Variants in ABCA7 observed in about 807,000 individuals in gnomAD.
ABCA7 encodes the protein ATP binding cassette subfamily A member 7.
Under a neutral mutation model 227.6 loss-of-function variants are expected in ABCA7, and 261 were observed. The observed-to-expected ratio is 1.15, with a 90% CI of 1.04 to 1.27. The LOEUF (loss-of-function observed/expected upper bound fraction) is 1.27. Among genes scored for constraint, ABCA7 ranks in the 50% most tolerant of loss-of-function variants. ABCA7 has a pLI of 0.00. For missense variants in ABCA7, 3,331 were observed against 2,924.5 expected (o/e 1.14, Z -3.21); for synonymous variants, 1,488 against 1,279.7 (o/e 1.16, Z -3.47).
In ABCA7 at chr19:1,049,450, C is replaced by T. The variant is rs762278770; in HGVS notation, c.2552+13C>T. ...AGACCACCACCCTGTGAGCCCCCAA[C>T]CACTCCCTCCCCGTGAGCCCCCCCA... On this transcript the variant is annotated intron_variant, in intron 18 of 46. Coordinates refer to ENST00000263094, the MANE Select transcript of ABCA7 (RefSeq NM_019112.4). 2 of 1,556,688 alleles carry T rather than the reference C, an allele frequency of 1.3e-6. No individual in the cohort carries two copies. The highest frequency in any genetic ancestry group is 1.8e-5 in the Admixed American group (1 of 55,026).
Position 1,056,782 on chromosome 19 carries a change from C to A in ABCA7, c.4587-125C>A, listed in dbSNP as rs962348553. ...CCCAGGCACCCTCATCCCTAAATTGCCCCTGCCATCTCTGCCACTGCTGAC... is the reference window on the plus strand; with the variant it reads ...CCCAGGCACCCTCATCCCTAAATTGACCCTGCCATCTCTGCCACTGCTGAC... On this transcript the variant is annotated intron_variant, in intron 33 of 46. Transcript: ENST00000263094. This position sits in a 1 kb window ranked among gnomAD's most constrained non-coding sequence, Gnocchi z 4.3. 1 of 1,122,834 alleles carries A rather than the reference C, an allele frequency of 8.9e-7. No individual in the cohort carries two copies. Among genetic ancestry groups the A allele is most frequent in the Admixed American group, 2.1e-5 (1 of 47,506 alleles). The allele number at this position is 1,122,834 out of a possible 1,614,324, so 69.6% of individuals were successfully genotyped here.
rs573177008 is a variant in ABCA7 at position 1,064,167 on chromosome 19, G to A, written c.5958G>A (p.Glu1986=). 4 of 1,571,654 alleles carry A rather than the reference G, an allele frequency of 2.5e-6. No homozygotes were observed. The highest frequency in any genetic ancestry group is 1.2e-5 in the South Asian group (1 of 85,854). The change falls in exon 45 of 47, where the codon GAG becomes GAA. Residue 1986 remains glutamate (E), a synonymous_variant. Transcript: ENST00000263094. Reference sequence around the variant, plus strand: ...TGGTGCCGGGTCCCGACAGCATGGAGGAGTGTGAAGCGCTCTGCTCGCGCC... The same window carrying A: ...TGGTGCCGGGTCCCGACAGCATGGAAGAGTGTGAAGCGCTCTGCTCGCGCC... ...RSVMLTSHSM[E]ECEALCSRLA...
At chr19:1,058,587 T>C (rs369656361) in intron 37 of ABCA7, 31 bp from the exon 38 acceptor site, 4 of 1,611,286 alleles carry the variant, frequency 2.5e-6, no homozygotes, top group Non-Finnish European at 2.5e-6. Flanking sequence ...AAGACTCTCA[T>C]GGACCCAGTC....
At chr19:1,055,833 G>C in intron 30 of ABCA7, 74 bp from the exon 31 acceptor site, 1 of 1,438,890 alleles carries the variant, frequency 6.9e-7, no homozygotes. Flanking sequence ...CCTTGACTCT[G>C]TGCTCCCCTC....
Position 1,047,597 on chromosome 19 carries a change from C to T in ABCA7, c.2212C>T (p.Leu738=). 2 of 1,603,326 alleles carry T rather than the reference C, an allele frequency of 1.2e-6. No homozygotes were observed. The highest frequency in any genetic ancestry group is 1.7e-6 in the Non-Finnish European group (2 of 1,179,294). ...FSLAQVSGLL[L]LDAALYGLAT... The stretch of plus-strand genomic sequence containing the variant: ...CCTGGCCCAGGTCTCTGGCCTTCTG[C>T]TGCTGGACGCGGCGCTCTACGGCCT... The change falls in exon 16 of 47, where the codon CTG becomes TTG. Residue 738 remains leucine (L), a synonymous_variant. Transcript: ENST00000263094.
At position 1,045,786 on chromosome 19, in the gene ABCA7, G is replaced by A. The variant is rs576369696; in HGVS notation, c.1446-444G>A. 8.4e-4 allele frequency among the ~76,000 whole-genome samples: 127 copies of A among 152,090 alleles called. 2 individuals carry two copies. The highest frequency in any genetic ancestry group is 3.4e-3 in the Middle Eastern group (1 of 294). ...GAGGCTGAGGCGGGCGGATCACGAG[G>A]TCAGGAGATCAAGACCATCCTGACT... is the stretch of plus-strand genomic sequence containing the variant. On this transcript the variant is annotated intron_variant, in intron 12 of 46. Coordinates refer to ENST00000263094, the MANE Select transcript of ABCA7 (RefSeq NM_019112.4).
chr19:1,062,446 C>G, intron 42 of ABCA7, 133 bp downstream of exon 42: 6 of 1,403,224 alleles, frequency 4.3e-6, no homozygotes, highest in Non-Finnish European at 4.8e-6. Flanking sequence ...GACCGTGCTT[C>G]CTTCCCCTAT....
In ABCA7 at chr19:1,046,258, C is replaced by T; in HGVS notation, c.1474C>T (p.Pro492Ser). The T allele has an allele frequency of 6.2e-7, 1 of 1,607,276 alleles. No homozygotes were observed. Among genetic ancestry groups the T allele is most frequent in the Non-Finnish European group, 8.5e-7 (1 of 1,179,780 alleles). ...TTGGGACCCTGGCCCAGCCGCGGAC[C>T]CCCTGACCGACCTGCGCTACGTGTG... ...RFWDPGPAAD[P>S]LTDLRYVWGG... The change falls in exon 13 of 47, where the codon CCC (proline) becomes TCC (serine). Residue 492 changes from proline to serine, a missense_variant. Coordinates refer to ENST00000263094, the MANE Select transcript of ABCA7 (RefSeq NM_019112.4).
chr19:1,046,286 G>T lies in ABCA7; in HGVS notation c.1502G>T (p.Gly501Val). ...CTGACCGACCTGCGCTACGTGTGGG[G>T]CGGCTTCGTGTACCTGCAAGACCTG... Reference protein sequence around the residue: ...DPLTDLRYVWGGFVYLQDLVE... With the variant: ...DPLTDLRYVWVGFVYLQDLVE... Residue 501 changes from glycine to valine, a missense_variant, in exon 13 of 47, where the codon GGC (glycine) becomes GTC (valine). Transcript: ENST00000263094. 1 of 1,606,280 alleles carries T rather than the reference G, an allele frequency of 6.2e-7. No homozygotes were observed. The highest frequency in any genetic ancestry group is 2.2e-5 in the East Asian group (1 of 44,870).
chr19:1,044,695 C>T lies in ABCA7; in HGVS notation c.1166C>T (p.Ala389Val). 1.9e-6 allele frequency: 3 copies of T among 1,612,594 alleles called. No individual in the cohort carries two copies. Among genetic ancestry groups the T allele is most frequent in the Admixed American group, 1.7e-5 (1 of 59,988 alleles). ...AGCGGTGGCTACAGCTGGCAGGACG[C>T]ACACGCTGATGTGGGGCACCTGGTG... is the stretch of plus-strand genomic sequence containing the variant. Reference protein sequence around the residue: ...PGSGGYSWQDAHADVGHLVGT... With the variant: ...PGSGGYSWQDVHADVGHLVGT... The change falls in exon 11 of 47, where the codon GCA becomes GTA. Residue 389 changes from alanine (A) to valine (V), a missense_variant. By Grantham distance (64) the Ala-to-Val change is moderately conservative (BLOSUM62 0). Coordinates refer to ENST00000263094, the MANE Select transcript of ABCA7 (RefSeq NM_019112.4).
Position 1,043,855 on chromosome 19 carries a change from C to T in ABCA7, c.1047+14C>T. On this transcript the variant is annotated intron_variant, in intron 10 of 46. Coordinates refer to ENST00000263094, the MANE Select transcript of ABCA7 (RefSeq NM_019112.4). Reference sequence around the variant, plus strand: ...GCCATGCTGCAGGTGTGCGGGGGTGCTGGGGAGGTGGGATGTGGCTCCCCG... The same window carrying T: ...GCCATGCTGCAGGTGTGCGGGGGTGTTGGGGAGGTGGGATGTGGCTCCCCG... 1 of 1,593,810 alleles carries T rather than the reference C, an allele frequency of 6.3e-7. No homozygotes were observed. The highest frequency in any genetic ancestry group is 8.6e-7 in the Non-Finnish European group (1 of 1,168,214).
Position 1,046,230 on chromosome 19 carries a change from G to T in ABCA7, c.1446G>T (p.Arg482Ser). ...VVTRTNKIRD[R>S]FWDPGPAADP... The stretch of plus-strand genomic sequence containing the variant: ...ACCGGCCACCATGCCCCTCTCGCAG[G>T]TTTTGGGACCCTGGCCCAGCCGCGG... The change falls in exon 13 of 47, where the codon AGG becomes AGT. Residue 482 changes from arginine to serine, a missense_variant and splice_region_variant. Transcript: ENST00000263094. 1.2e-6 allele frequency: 2 copies of T among 1,606,716 alleles called. No homozygotes were observed. Among genetic ancestry groups the T allele is most frequent in the South Asian group, 1.1e-5 (1 of 91,056 alleles).
At chr19:1,060,195 G>GTATATATATATATATATATATATATA (rs138175754) in intron 40 of ABCA7, among the ~76,000 whole-genome samples, 10 of 53,456 alleles carry the variant, frequency 1.9e-4, no homozygotes, top group African/African-American at 5.3e-4. Flanking sequence ...ACACATTGCA[G>GTATATATATATATATATATATATATA]TATATATATA....
Position 1,049,014 on chromosome 19 carries a change from C to T in ABCA7, c.2380+9C>T, listed in dbSNP as rs939175298. On this transcript the variant is annotated intron_variant, in intron 17 of 46. Transcript: ENST00000263094. ...CCCGCTGGACCCAAAGGGTGAGGCA[C>T]TACGAGGCTTAATAGCTGGTTGTCC... 2.0e-6 allele frequency: 3 copies of T among 1,511,542 alleles called. No individual in the cohort carries two copies. In the African/African-American group the frequency reaches 4.2e-5, roughly 21 times the overall value. The allele number at this position is 1,511,542 out of a possible 1,614,324, so 93.6% of individuals were successfully genotyped here.
chr19:1,046,732 T>C lies in ABCA7; in HGVS notation c.1623-70T>C, dbSNP rs1386039987. 9.0e-6 allele frequency: 13 copies of C among 1,443,774 alleles called. No individual in the cohort carries two copies. The South Asian group carries it at 1.6e-4, about 18-fold the overall frequency. 89.4% of individuals were successfully genotyped at this position (1,443,774 alleles called of 1,614,324 possible). On this transcript the variant is annotated intron_variant, in intron 13 of 46. Coordinates refer to ENST00000263094, the MANE Select transcript of ABCA7 (RefSeq NM_019112.4). Reference sequence around the variant, plus strand: ...GAGATCCCGGGACACGAACCAGTCGTGCCAGATGGTGGGCGGAGGGGGGGT... The same window carrying C: ...GAGATCCCGGGACACGAACCAGTCGCGCCAGATGGTGGGCGGAGGGGGGGT...
At chr19:1,057,489 A>C in intron 35 of ABCA7, 60 bp downstream of exon 35, 1 of 1,477,354 alleles carries the variant, frequency 6.8e-7, no homozygotes, top group Non-Finnish European at 9.5e-7. Context: ...TTCCACATTA[A>C]TGCTGCTGAG....
intron 24 of ABCA7, 91 bp downstream of exon 24, chr19:1,053,622 C>A: frequency 6.6e-7 from 1 of 1,515,586 alleles, no homozygotes; most frequent in Non-Finnish European, 8.9e-7. Flanking sequence ...TGTTTATGAG[C>A]AGCAAGGACA....
chr19:1,041,456 G>T, intron 2 of ABCA7, 29 bp downstream of exon 2: 2 of 1,613,902 alleles, frequency 1.2e-6, no homozygotes, highest in Non-Finnish European at 1.7e-6. Flanking sequence ...ACCAGGGCCG[G>T]GTGGGCAGGC....
chr19:1,058,987 C>T (rs781243848), intron 39 of ABCA7, 36 bp from the exon 40 acceptor site: 1 of 1,613,436 alleles, frequency 6.2e-7, no homozygotes, highest in Admixed American at 1.7e-5. Context: ...CTCCCACTGG[C>T]CCACTCACCT....
Sources: gnomAD v4.1 joint callset for allele counts (sites outside exome capture counted in the v4.1 genomes callset) on GRCh38, gnomAD v4.1.1 for gene constraint, Gnocchi (gnomAD v3.1) non-coding constraint, MANE v1.5 for transcripts, NCBI Gene and HGNC (gene_info 2026-07-23, HGNC 2026-07-21) for gene names.